The following STEAP1B variants were observed in gnomAD, a reference collection of about 807,000 sequenced individuals.
STEAP1B encodes STEAP family member 1B.
In STEAP1B, 13 loss-of-function variants were observed where a neutral mutation model predicts 27.9. The ratio of observed to expected loss-of-function variants is 0.47; its 90% CI spans 0.30 to 0.74. STEAP1B has a LOEUF of 0.74. Ranked by LOEUF, STEAP1B falls within the 30% of genes least tolerant of loss-of-function variation. The probability of loss-of-function intolerance (pLI) is 0.06; values close to 1 mark genes in which losing one functional copy is unlikely to be tolerated. For synonymous variants in STEAP1B, 86 were observed against 107.1 expected (o/e 0.80, Z 1.22); for missense variants, 250 against 298.7 (o/e 0.84, Z 1.20).
Position 22,453,818 on chromosome 7 carries a change from C to A in STEAP1B, c.763-33982G>T, listed in dbSNP as rs140036318. Among the ~76,000 whole-genome samples, 15 of 152,248 alleles carry A rather than the reference C, an allele frequency of 9.9e-5. No homozygotes were observed. In the East Asian group the frequency reaches 2.9e-3, roughly 29 times the overall value. On this transcript the variant is annotated intron_variant, in intron 4 of 4. Transcript: ENST00000678116. ...TATACATGAAGTCTTACAGTATATACCCTTTTGTATCTGGCTTCTTTCACC... is the reference window on the plus strand; with the variant it reads ...TATACATGAAGTCTTACAGTATATAACCTTTTGTATCTGGCTTCTTTCACC...
chr7:22,424,895 GAA>G (rs34020475), intron 4 of STEAP1B, among the ~76,000 whole-genome samples: 6 of 146,722 alleles, frequency 4.1e-5, no homozygotes, highest in African/African-American at 1.0e-4. Context: ...ATTGTTAAGT[GAA>G]AAAAAAAAAA....
chr7:22,489,064 C>G (rs2128416437), intron 4 of STEAP1B, among the ~76,000 whole-genome samples: 1 of 152,272 alleles, frequency 6.6e-6, no homozygotes, highest in South Asian at 2.1e-4. Context: ...ACCTGCTGTT[C>G]AGAATAGATT....
At chr7:22,441,487 TAC>T (rs1044810740) in intron 4 of STEAP1B, among the ~76,000 whole-genome samples, 10 of 151,272 alleles carry the variant, frequency 6.6e-5, no homozygotes, top group Admixed American at 1.3e-4. Context: ...GTAATTCAAT[TAC>T]AGTCTGTGAG....
At chr7:22,486,838 C>T (rs1473279454) in intron 4 of STEAP1B, among the ~76,000 whole-genome samples, 1 of 152,076 alleles carries the variant, frequency 6.6e-6, no homozygotes. Flanking sequence ...TCAGGGCCTT[C>T]ACTCAGGCTG....
chr7:22,469,124 A>G (rs1785836565), intron 4 of STEAP1B, among the ~76,000 whole-genome samples: 1 of 152,168 alleles, frequency 6.6e-6, no homozygotes, highest in South Asian at 2.1e-4. Context: ...CAGTGGGACA[A>G]GATATAGAGG....
intron 4 of STEAP1B, among the ~76,000 whole-genome samples, chr7:22,464,608 C>G (rs1270789365): frequency 6.6e-6 from 1 of 151,904 alleles, no homozygotes; most frequent in African/African-American, 2.4e-5. Flanking sequence ...AGGGTGAGCC[C>G]TAATCCAATC....
chr7:22,469,020 C>A (rs535687534), intron 4 of STEAP1B, among the ~76,000 whole-genome samples: 12 of 152,124 alleles, frequency 7.9e-5, no homozygotes, highest in African/African-American at 2.9e-4. Flanking sequence ...TGTAAAACAG[C>A]CTCAGGTAGG....
At chr7:22,482,313 G>C (rs548987820) in intron 4 of STEAP1B, among the ~76,000 whole-genome samples, 13 of 152,120 alleles carry the variant, frequency 8.5e-5, no homozygotes. Context: ...TAAAATAGAG[G>C]ATGCCCTATT....
At chr7:22,452,114 A>G (rs904325164) in intron 4 of STEAP1B, among the ~76,000 whole-genome samples, 3 of 152,248 alleles carry the variant, frequency 2.0e-5, no homozygotes, top group African/African-American at 7.2e-5. Context: ...CCTAAAAAGC[A>G]TAAAGGAAAA....
At position 22,460,358 on chromosome 7, in the gene STEAP1B, A is replaced by G. The variant is rs2128407636; in HGVS notation, c.762+32207T>C. ...AAACAAAAAAAAAAAAAAAGGAGAG[A>G]AGGAAGTCTTTATATGGTTCCTTGG... On this transcript the variant is annotated intron_variant, in intron 4 of 4. Coordinates refer to ENST00000678116, the MANE Select transcript of STEAP1B (RefSeq NM_001382447.1). Among the ~76,000 whole-genome samples, 5 of 150,236 alleles carry G rather than the reference A, an allele frequency of 3.3e-5. 1 individual carries two copies. The East Asian group carries it at 9.8e-4, about 29-fold the overall frequency.
intron 4 of STEAP1B, among the ~76,000 whole-genome samples, chr7:22,484,316 G>A (rs561300080): frequency 7.9e-5 from 12 of 152,276 alleles, no homozygotes; most frequent in African/African-American, 2.6e-4. Flanking sequence ...AAGTGGAAGC[G>A]AATGCACATT....
At chr7:22,449,669 G>T (rs977785566) in intron 4 of STEAP1B, among the ~76,000 whole-genome samples, 1 of 152,202 alleles carries the variant, frequency 6.6e-6, no homozygotes, top group African/African-American at 2.4e-5. Flanking sequence ...CCAGCAGTGG[G>T]ATTGCTGGAT....
chr7:22,494,998 C>T, intron 1 of STEAP1B, 112 bp from the exon 2 acceptor site: 1 of 528,024 alleles, frequency 1.9e-6, no homozygotes, highest in Non-Finnish European at 3.2e-6. Flanking sequence ...AGATAAAGTA[C>T]AATAAAAATT....
intron 4 of STEAP1B, among the ~76,000 whole-genome samples, chr7:22,459,177 T>G (rs998568607): frequency 6.6e-6 from 1 of 152,336 alleles, no homozygotes; most frequent in African/African-American, 2.4e-5. Flanking sequence ...GTGCAGAAAA[T>G]GTCACTCCTC....
chr7:22,434,654 T>G (rs1396969094), intron 4 of STEAP1B, among the ~76,000 whole-genome samples: 1 of 152,220 alleles, frequency 6.6e-6, no homozygotes, highest in East Asian at 1.9e-4. Flanking sequence ...GCCCTTTCTA[T>G]GCCAGACACA....
chr7:22,447,723 C>G (rs750566626), intron 4 of STEAP1B, among the ~76,000 whole-genome samples: 1 of 152,176 alleles, frequency 6.6e-6, no homozygotes, highest in African/African-American at 2.4e-5. Context: ...GCCATAGAAG[C>G]CAATTTGTTT....
intron 4 of STEAP1B, among the ~76,000 whole-genome samples, chr7:22,466,431 C>T (rs531495620): frequency 1.4e-5 from 2 of 142,838 alleles, no homozygotes; most frequent in South Asian, 4.6e-4. Context: ...TCCATGACAA[C>T]ATGTTGTTTT....
intron 4 of STEAP1B, among the ~76,000 whole-genome samples, chr7:22,428,099 C>T (rs1785131593): frequency 6.6e-6 from 1 of 152,126 alleles, no homozygotes; most frequent in African/African-American, 2.4e-5. Context: ...ACTGGCCAGA[C>T]ATAGGATGGA....
intron 4 of STEAP1B, among the ~76,000 whole-genome samples, chr7:22,424,185 T>C (rs1785078436): frequency 6.6e-6 from 1 of 152,200 alleles, no homozygotes; most frequent in South Asian, 2.1e-4. Flanking sequence ...GGATGATAGA[T>C]AGCGATTTTA....
Sources: allele counts gnomAD v4.1 joint callset (sites outside exome capture counted in the v4.1 genomes callset), GRCh38; gene constraint gnomAD v4.1.1; transcripts MANE v1.5; gene names NCBI Gene and HGNC (gene_info 2026-07-23, HGNC 2026-07-21).